EFCAB8: variants seen among roughly 807,000 people sequenced by gnomAD.
The protein encoded by EFCAB8 is EF-hand calcium binding domain 8, also known as EF-hand calcium-binding domain-containing protein 8.
Under a neutral mutation model 116.3 loss-of-function variants are expected in EFCAB8, and 100 were observed. That is an observed-to-expected ratio of 0.86 (90% CI 0.73 to 1.02). The LOEUF (loss-of-function observed/expected upper bound fraction) is 1.02, where lower values mean the gene tolerates loss of function less well. Among genes scored for constraint, EFCAB8 ranks in the 50% least tolerant of loss-of-function variants. The pLI is 0.00. For missense variants in EFCAB8, 1,320 were observed against 1,416.9 expected (o/e 0.93, Z 1.10); for synonymous variants, 558 against 567.9 (o/e 0.98, Z 0.25).
Position 32,931,336 on chromosome 20 carries a change from G to C in EFCAB8, c.2790G>C (p.Glu930Asp). Residue 930 changes from glutamate to aspartate, a missense_variant and splice_region_variant, in exon 22 of 27, where the codon GAG becomes GAC. Transcript: ENST00000400522. ...FPHYIPLEDK[E>D]VVAGHTISLV... ...ACTACATTCCCTTGGAGGATAAAGA[G>C]GTAGGAGGATTACTGGAGAGTTGCT... The C allele has an allele frequency of 8.5e-6, 13 of 1,538,344 alleles. No homozygotes were observed. Among genetic ancestry groups the C allele is most frequent in the Non-Finnish European group, 1.1e-5 (13 of 1,141,008 alleles).
At chr20:32,954,883 C>G (rs1326310237) in intron 23 of EFCAB8, among the ~76,000 whole-genome samples, 4 of 152,106 alleles carry the variant, frequency 2.6e-5, no homozygotes, top group Non-Finnish European at 5.9e-5. Context: ...CTGGAGTAAA[C>G]CCCACTTAGT....
intron 23 of EFCAB8, among the ~76,000 whole-genome samples, chr20:32,945,152 T>A (rs564519371): frequency 5.3e-4 from 80 of 151,892 alleles, no homozygotes; most frequent in African/African-American, 1.4e-3. Flanking sequence ...TTCTGTTATT[T>A]TTATTATTAT....
chr20:32,866,667 T>A (rs1337468725), intron 2 of EFCAB8, among the ~76,000 whole-genome samples: 1 of 152,072 alleles, frequency 6.6e-6, no homozygotes, highest in Non-Finnish European at 1.5e-5. Flanking sequence ...ATGGGACATC[T>A]GGGCTGGTCA....
At position 32,959,928 on chromosome 20, in the gene EFCAB8, C is replaced by G. The variant is rs1282382620; in HGVS notation, c.3240C>G (p.Arg1080=). Residue 1080 remains arginine (R), a synonymous_variant, in exon 25 of 27, where the codon CGC becomes CGG. Coordinates refer to ENST00000400522, the MANE Select transcript of EFCAB8 (RefSeq NM_001143967.2). ...MALMSPWAGE[R]PLEDIEDSWN... Reference sequence around the variant, plus strand: ...TGATGTCCCCGTGGGCCGGAGAGCGCCCCCTGGAAGACATTGAGGACAGCT... The same window carrying G: ...TGATGTCCCCGTGGGCCGGAGAGCGGCCCCTGGAAGACATTGAGGACAGCT... The G allele has an allele frequency of 6.4e-7, 1 of 1,551,620 alleles. No individual in the cohort carries two copies. The highest frequency in any genetic ancestry group is 1.4e-5 in the African/African-American group (1 of 73,136).
chr20:32,906,479 C>T, intron 11 of EFCAB8, 83 bp from the exon 12 acceptor site: 1 of 710,318 alleles, frequency 1.4e-6, no homozygotes, highest in Non-Finnish European at 2.6e-6. Context: ...GCCTCTAGCT[C>T]CTCCCACCCC....
rs73114189 is a variant in EFCAB8 at position 32,880,878 on chromosome 20, G to T, written c.431+2071G>T. ...AGGGCAGGACTCTGGGGCTGTGGGA[G>T]TTAGGAACTGTGGGCAAAACATATA... On this transcript the variant is annotated intron_variant, in intron 5 of 26. Transcript: ENST00000400522. Among the ~76,000 whole-genome samples the T allele has an allele frequency of 6.3e-3, 962 of 151,736 alleles. 8 individuals are homozygous for T. The highest frequency in any genetic ancestry group is 7.4e-3 in the Non-Finnish European group (506 of 67,940).
At chr20:32,904,991 A>C (rs1267687576) in intron 11 of EFCAB8, among the ~76,000 whole-genome samples, 1 of 152,170 alleles carries the variant, frequency 6.6e-6, no homozygotes, top group Non-Finnish European at 1.5e-5. Flanking sequence ...GATGAGAGGC[A>C]TGGGCATAGG....
chr20:32,947,459 C>A (rs6057677), intron 23 of EFCAB8, among the ~76,000 whole-genome samples: 103,297 of 152,020 alleles, frequency 0.68, 35,880 homozygotes, highest in African/African-American at 0.76. Flanking sequence ...TAACAAAACA[C>A]ATCTCACTAA....
intron 13 of EFCAB8, among the ~76,000 whole-genome samples, chr20:32,907,916 C>T (rs532804832): frequency 1.3e-5 from 2 of 152,310 alleles, no homozygotes; most frequent in Admixed American, 1.3e-4. Context: ...TAGCCACTAC[C>T]GGACTGTGTC....
At chr20:32,961,059 G>T in intron 26 of EFCAB8, 77 bp from the exon 27 acceptor site, 1 of 1,321,556 alleles carries the variant, frequency 7.6e-7, no homozygotes, top group Middle Eastern at 2.2e-4. Context: ...CCTCCTTCCT[G>T]TGAGTCTACT....
rs780996409 is a variant in EFCAB8, at chr20:32,895,556, CTTT to C, written c.884-894_884-892del. ...CTCACTGTGTTGTCCAGACTGGTATCTTTTTTCTTTCTTTCTTTCTTTTTTTTT... is the reference window on the plus strand; with the variant it reads ...CTCACTGTGTTGTCCAGACTGGTATCTTTCTTTCTTTCTTTCTTTTTTTTT... On this transcript the variant is annotated intron_variant, in intron 9 of 26. Transcript: ENST00000400522. Among the ~76,000 whole-genome samples the C allele has an allele frequency of 1.3e-3, 188 of 144,512 alleles. 2 individuals carry two copies. Among genetic ancestry groups the C allele is most frequent in the Non-Finnish European group, 8.3e-4 (55 of 66,042 alleles). The allele number at this position is 144,512 out of a possible 152,430, so 94.8% of individuals were successfully genotyped here.
intron 20 of EFCAB8, among the ~76,000 whole-genome samples, chr20:32,927,210 T>G (rs1987708623): frequency 6.6e-6 from 1 of 152,208 alleles, no homozygotes; most frequent in Non-Finnish European, 1.5e-5. Context: ...TCACCAGAAC[T>G]TACCAGTTCT....
At chr20:32,947,968 A>T (rs1009128226) in intron 23 of EFCAB8, among the ~76,000 whole-genome samples, 17 of 152,026 alleles carry the variant, frequency 1.1e-4, no homozygotes, top group Middle Eastern at 3.4e-3. Flanking sequence ...AGTAAATAGA[A>T]GAGAAATAAT....
chr20:32,909,065 CAGA>C (rs926793474), intron 14 of EFCAB8, among the ~76,000 whole-genome samples: 3 of 152,198 alleles, frequency 2.0e-5, no homozygotes, highest in African/African-American at 7.2e-5. Flanking sequence ...CAGATGGGAG[CAGA>C]AGCCCAGAAA....
chr20:32,876,245 C>T (rs549142670), intron 4 of EFCAB8, among the ~76,000 whole-genome samples: 106 of 152,312 alleles, frequency 7.0e-4, no homozygotes, highest in African/African-American at 2.4e-3. Context: ...CAGCTCATTC[C>T]CCAGGGACAA....
At chr20:32,944,329 G>T (rs541555654) in intron 23 of EFCAB8, among the ~76,000 whole-genome samples, 1 of 152,142 alleles carries the variant, frequency 6.6e-6, no homozygotes, top group South Asian at 2.1e-4. Context: ...GCCAGGCATG[G>T]TGGTGCATGC....
chr20:32,917,519 A>G lies in EFCAB8; in HGVS notation c.2061+14A>G. 7.1e-7 allele frequency: 1 copy of G among 1,403,320 alleles called. No homozygotes were observed. Among genetic ancestry groups the G allele is most frequent in the Non-Finnish European group, 9.5e-7 (1 of 1,057,060 alleles). 86.9% of individuals were successfully genotyped at this position (1,403,320 alleles called of 1,614,324 possible). On this transcript the variant is annotated intron_variant, in intron 18 of 26. Transcript: ENST00000400522. ...CAGCCCAAGAGGGTATGTTAACAGG[A>G]GCACACTCTCCTCCCACCCTTCTCT...
chr20:32,911,643 T>C lies in EFCAB8; in HGVS notation c.1721T>C (p.Met574Thr), dbSNP rs1986928167. Residue 574 changes from methionine (M) to threonine (T), a missense_variant, in exon 16 of 27, where the codon ATG (methionine) becomes ACG (threonine). Physicochemically the swap from Met to Thr is moderately conservative, Grantham distance 81 (BLOSUM62 -1). Coordinates refer to ENST00000400522, the MANE Select transcript of EFCAB8 (RefSeq NM_001143967.2). ...CLLTGLRDGT[M>T]KMWNYNIGKC... ...CTCACAGGTTTGCGGGATGGCACAATGAAGATGTGGAACTACAACATTGGC... is the reference window on the plus strand; with the variant it reads ...CTCACAGGTTTGCGGGATGGCACAACGAAGATGTGGAACTACAACATTGGC... 16 of 1,551,678 alleles carry C rather than the reference T, an allele frequency of 1.0e-5. No individual in the cohort carries two copies. Among genetic ancestry groups the C allele is most frequent in the Non-Finnish European group, 1.3e-5 (15 of 1,146,990 alleles).
intron 22 of EFCAB8, among the ~76,000 whole-genome samples, chr20:32,940,636 G>A (rs1439247239): frequency 6.7e-6 from 1 of 149,864 alleles, no homozygotes; most frequent in Non-Finnish European, 1.5e-5. Context: ...AAGTGAAAGG[G>A]TAACCTGAAA....
Sources: gnomAD v4.1 joint callset for allele counts (sites outside exome capture counted in the v4.1 genomes callset) on GRCh38, gnomAD v4.1.1 for gene constraint, MANE v1.5 for transcripts, NCBI Gene and HGNC (gene_info 2026-07-23, HGNC 2026-07-21) for gene names.